PDE11A: variants seen among roughly 807,000 people sequenced by gnomAD.
The protein encoded by PDE11A is phosphodiesterase 11A.
Under a neutral mutation model 100.5 loss-of-function variants are expected in PDE11A, and 100 were observed. The observed-to-expected ratio is 1.00, with a 90% CI of 0.85 to 1.18. The LOEUF (loss-of-function observed/expected upper bound fraction) is 1.18. PDE11A is among the 50% of genes most tolerant of loss of function. The pLI, the probability that PDE11A is intolerant of heterozygous loss-of-function variation, is 0.00. For synonymous variants in PDE11A, 381 were observed against 420.8 expected (o/e 0.91, Z 1.16); for missense variants, 1,141 against 1,152.6 (o/e 0.99, Z 0.15).
intron 5 of PDE11A, among the ~76,000 whole-genome samples, chr2:177,864,289 A>G (rs1028726270): frequency 6.6e-6 from 1 of 152,076 alleles, no homozygotes; most frequent in Non-Finnish European, 1.5e-5. Context: ...GTACATGAGG[A>G]CCCTAGGTAA....
intron 18 of PDE11A, among the ~76,000 whole-genome samples, chr2:177,666,182 G>C (rs2080578202): frequency 6.6e-6 from 1 of 152,174 alleles, no homozygotes; most frequent in South Asian, 2.1e-4. Context: ...ATGATATGTG[G>C]TCTTTTGTGA....
intron 1 of PDE11A, among the ~76,000 whole-genome samples, chr2:178,069,100 C>G (rs1007780836): frequency 1.3e-5 from 2 of 152,140 alleles, no homozygotes; most frequent in Admixed American, 6.5e-5. Context: ...TATCAGCAAA[C>G]TAGGTATCAT....
upstream of PDE11A, chr2:178,073,001 C>T (rs1002557612): frequency 3.2e-5 from 32 of 985,120 alleles, no homozygotes; most frequent in Non-Finnish European, 3.3e-5. Flanking sequence ...GGAAACGCAC[C>T]TTGTTCCTTC....
At chr2:177,956,040 A>G (rs1039418198) in intron 2 of PDE11A, among the ~76,000 whole-genome samples, 2 of 152,186 alleles carry the variant, frequency 1.3e-5, no homozygotes, top group Admixed American at 6.5e-5. Context: ...CATGGCGACA[A>G]AAGCCAAAAT....
At chr2:178,004,480 C>T (rs529055147) in intron 2 of PDE11A, among the ~76,000 whole-genome samples, 1 of 152,032 alleles carries the variant, frequency 6.6e-6, no homozygotes, top group Non-Finnish European at 1.5e-5. Context: ...CAAAGAAGAC[C>T]GTTATCCATC....
chr2:177,645,261 C>T (rs1235345380), intron 19 of PDE11A, among the ~76,000 whole-genome samples: 1 of 152,356 alleles, frequency 6.6e-6, no homozygotes, highest in East Asian at 1.9e-4. Flanking sequence ...ACTTGGCTCA[C>T]TGCAACCTCC....
intron 4 of PDE11A, among the ~76,000 whole-genome samples, chr2:177,884,157 T>A (rs570911853): frequency 6.6e-6 from 1 of 152,080 alleles, no homozygotes; most frequent in Non-Finnish European, 1.5e-5. Flanking sequence ...GAGTTGACAA[T>A]GTTGAACTTT....
intron 5 of PDE11A, among the ~76,000 whole-genome samples, chr2:177,869,299 G>A (rs763563686): frequency 3.3e-5 from 5 of 152,350 alleles, no homozygotes; most frequent in Non-Finnish European, 7.3e-5. Context: ...TCAAGGAATT[G>A]ACAGAGCTAT....
At chr2:178,081,061 T>C (rs2087279025) in intron 2 of PDE11A, among the ~76,000 whole-genome samples, 1 of 152,172 alleles carries the variant, frequency 6.6e-6, no homozygotes, top group Non-Finnish European at 1.5e-5. Flanking sequence ...CAAATTAACC[T>C]TACTAATGTG....
intron 2 of PDE11A, among the ~76,000 whole-genome samples, chr2:177,935,071 A>G (rs532132439): frequency 2.8e-4 from 43 of 152,316 alleles, no homozygotes; most frequent in Admixed American, 2.2e-3. Context: ...TACCCAGGTA[A>G]CAAAACTGGA....
intron 1 of PDE11A, among the ~76,000 whole-genome samples, chr2:178,015,737 G>C (rs985355559): frequency 2.6e-5 from 4 of 152,060 alleles, no homozygotes; most frequent in Non-Finnish European, 5.9e-5. Flanking sequence ...AGGAAGGAAC[G>C]AATGGATGGA....
chr2:177,688,147 A>G (rs1310419636), intron 15 of PDE11A: 3 of 152,234 alleles, frequency 2.0e-5, no homozygotes, highest in African/African-American at 7.2e-5. Context: ...AGCAGCCCTC[A>G]TGCTATGTAA....
intron 15 of PDE11A, among the ~76,000 whole-genome samples, chr2:177,684,050 C>G (rs2080906800): frequency 6.6e-6 from 1 of 152,312 alleles, no homozygotes; most frequent in Non-Finnish European, 1.5e-5. Flanking sequence ...ATTGGACTAA[C>G]TGGACTAATG....
intron 9 of PDE11A, among the ~76,000 whole-genome samples, chr2:177,796,447 T>A (rs555732645): frequency 6.6e-6 from 1 of 152,288 alleles, no homozygotes; most frequent in East Asian, 1.9e-4. Flanking sequence ...GATGCACCTC[T>A]GCAGGGGCTG....
intron 1 of PDE11A, among the ~76,000 whole-genome samples, chr2:178,106,577 T>G (rs536213316): frequency 2.0e-4 from 31 of 152,166 alleles, no homozygotes; most frequent in Admixed American, 1.2e-3. Context: ...ACAAAATACA[T>G]TCACCATAAC....
At chr2:177,796,604 G>A (rs1229164901) in intron 9 of PDE11A, among the ~76,000 whole-genome samples, 1 of 152,158 alleles carries the variant, frequency 6.6e-6, no homozygotes, top group Non-Finnish European at 1.5e-5. Flanking sequence ...GTTCCTTCTG[G>A]TTGGATTTGG....
intron 5 of PDE11A, among the ~76,000 whole-genome samples, chr2:177,861,689 A>G (rs2083948001): frequency 6.6e-6 from 1 of 151,972 alleles, no homozygotes; most frequent in African/African-American, 2.4e-5. Flanking sequence ...TCAAAGATAC[A>G]GTAACCAAGA....
chr2:177,782,259 G>C (rs2082464587), intron 9 of PDE11A, among the ~76,000 whole-genome samples: 1 of 152,170 alleles, frequency 6.6e-6, no homozygotes, highest in African/African-American at 2.4e-5. Context: ...GAATTAAGAT[G>C]ACCACACATT....
intron 19 of PDE11A, among the ~76,000 whole-genome samples, chr2:177,659,266 GGAAAA>G (rs369917672): frequency 3.0e-3 from 44 of 14,898 alleles, no homozygotes; most frequent in African/African-American, 4.1e-3. Context: ...TATCTCAGGG[GGAAAA>G]AAAAAAAAAA....
Sources: allele counts gnomAD v4.1 joint callset (sites outside exome capture counted in the v4.1 genomes callset), GRCh38; gene constraint gnomAD v4.1.1; transcripts MANE v1.5; gene names NCBI Gene and HGNC (gene_info 2026-07-23, HGNC 2026-07-21).